The following CACNA1E variants were observed in gnomAD, a reference collection of about 807,000 sequenced individuals.
The protein encoded by CACNA1E is calcium voltage-gated channel subunit alpha1 E.
CACNA1E carries 40 observed loss-of-function variants against 259.2 expected under a neutral mutation model. The ratio of observed to expected loss-of-function variants is 0.15; its 90% CI spans 0.12 to 0.20. The LOEUF is 0.20. CACNA1E is among the 10% of genes least tolerant of loss of function. The pLI is 1.00. For synonymous variants in CACNA1E, 1,104 were observed against 1,138.5 expected, an observed-to-expected ratio of 0.97 and a Z score of 0.61; for missense variants, 1,874 against 3,040.1, an observed-to-expected ratio of 0.62 and a Z score of 9.02.
At chr1:181,399,586 G>A (rs890482009) in intron 1 of CACNA1E, among the ~76,000 whole-genome samples, 2 of 152,214 alleles carry the variant, frequency 1.3e-5, no homozygotes, top group Non-Finnish European at 2.9e-5. Context: ...CCCTGTCAAC[G>A]GAGGTGTTCA....
rs887147431 is a variant in CACNA1E, at chr1:181,534,392, G to T, written c.512+22882G>T. Among the ~76,000 whole-genome samples the T allele has an allele frequency of 6.6e-5, 10 of 152,214 alleles. No individual in the cohort carries two copies. The South Asian group carries it at 8.3e-4, about 13-fold the overall frequency. On this transcript the variant is annotated intron_variant, in intron 3 of 47. Transcript: ENST00000367573. ...GGAGTGATAATATACATACAATTTTGATGAAACATGATGTTATTGTATAAA... is the reference window on the plus strand; with the variant it reads ...GGAGTGATAATATACATACAATTTTTATGAAACATGATGTTATTGTATAAA...
intron 2 of CACNA1E, among the ~76,000 whole-genome samples, chr1:181,471,484 C>T (rs1662502980): frequency 6.6e-6 from 1 of 152,166 alleles, no homozygotes; most frequent in Non-Finnish European, 1.5e-5. Flanking sequence ...TATAGTGCTT[C>T]AGCCTTCCAC....
chr1:181,615,337 C>G (rs533677702), intron 6 of CACNA1E, among the ~76,000 whole-genome samples: 1 of 152,186 alleles, frequency 6.6e-6, no homozygotes. Context: ...TTACAGGCAC[C>G]TGCCACCACG....
chr1:181,494,942 T>C (rs902561735), intron 1 of CACNA1E, among the ~76,000 whole-genome samples: 2 of 152,214 alleles, frequency 1.3e-5, no homozygotes, highest in African/African-American at 4.8e-5. Flanking sequence ...GAACTGTGCT[T>C]TAGCCTACTG....
chr1:181,682,136 G>T (rs1390468623), intron 7 of CACNA1E, among the ~76,000 whole-genome samples: 7 of 152,178 alleles, frequency 4.6e-5, no homozygotes, highest in African/African-American at 1.7e-4. Context: ...ATGACTATCC[G>T]ATTAACGATG....
chr1:181,603,834 C>T (rs1363651267), intron 6 of CACNA1E, among the ~76,000 whole-genome samples: 2 of 152,216 alleles, frequency 1.3e-5, no homozygotes, highest in African/African-American at 2.4e-5. Flanking sequence ...CTGCCTGTCT[C>T]CCTGGCTCTG....
chr1:181,760,470 G>T (rs1204981928), intron 32 of CACNA1E, among the ~76,000 whole-genome samples: 2 of 151,948 alleles, frequency 1.3e-5, no homozygotes, highest in African/African-American at 4.8e-5. Context: ...TTTTAAATGA[G>T]GAAATTGAAG....
intron 3 of CACNA1E, among the ~76,000 whole-genome samples, chr1:181,517,457 C>T (rs1666675726): frequency 6.6e-6 from 1 of 152,110 alleles, no homozygotes; most frequent in South Asian, 2.1e-4. Flanking sequence ...CACTATTTCA[C>T]TGTTTCACTC....
In CACNA1E at chr1:181,755,965, T is replaced by C. The variant is rs571643478; in HGVS notation, c.3999T>C (p.Tyr1333=). The change falls in exon 29 of 48, where the codon TAT becomes TAC. Residue 1333 remains tyrosine (Y), a synonymous_variant. Transcript: ENST00000367573. ...KDTEKECIGN[Y]VDHEKNKMEV... ...TCTGCTCTGGTTTTAGAGGCAACTA[T>C]GTAGATCATGAGAAAAACAAGATGG... is the stretch of plus-strand genomic sequence containing the variant. 3 of 1,613,810 alleles carry C rather than the reference T, an allele frequency of 1.9e-6. No individual in the cohort carries two copies. Among genetic ancestry groups the C allele is most frequent in the Non-Finnish European group, 2.5e-6 (3 of 1,179,792 alleles).
At chr1:181,664,250 G>T (rs1365012747) in intron 7 of CACNA1E, among the ~76,000 whole-genome samples, 1 of 152,170 alleles carries the variant, frequency 6.6e-6, no homozygotes, top group Non-Finnish European at 1.5e-5. Context: ...CATTTGCAAT[G>T]GGACCTTTGC....
At chr1:181,366,950 G>C (rs762038962) in intron 1 of CACNA1E, among the ~76,000 whole-genome samples, 6 of 152,062 alleles carry the variant, frequency 3.9e-5, no homozygotes, top group Admixed American at 6.5e-5. Context: ...ATGGAGTTTT[G>C]CATCCCTTAA....
At chr1:181,328,241 T>A (rs1011009901) in intron 1 of CACNA1E, among the ~76,000 whole-genome samples, 1 of 152,156 alleles carries the variant, frequency 6.6e-6, no homozygotes, top group African/African-American at 2.4e-5. Context: ...CGCTGTGTCC[T>A]CACATGGTGG....
chr1:181,399,241 G>T (rs1246987237), intron 1 of CACNA1E, among the ~76,000 whole-genome samples: 1 of 149,302 alleles, frequency 6.7e-6, no homozygotes. Flanking sequence ...AAGGAAAAGA[G>T]GTAGAAGGAA....
intron 2 of CACNA1E, among the ~76,000 whole-genome samples, chr1:181,440,983 CAAAAAAAAAAAAAAAAAAAAAAAAA>C (rs60257271): frequency 1.0e-4 from 4 of 38,170 alleles, no homozygotes; most frequent in Non-Finnish European, 1.5e-4. Context: ...GACCTTGTTT[CAAAAAAAAAAAAAAAAAAAAAAAAA>C]AAAAAAAAAA....
At chr1:181,370,270 GT>G (rs761065599) in intron 1 of CACNA1E, among the ~76,000 whole-genome samples, 1,716 of 141,104 alleles carry the variant, frequency 0.012, 40 homozygotes, top group African/African-American at 0.038. Context: ...TTGTTTCATA[GT>G]TTTTTTTTTT....
intron 3 of CACNA1E, among the ~76,000 whole-genome samples, chr1:181,543,483 TCATAA>T (rs1306775203): frequency 2.0e-5 from 3 of 152,208 alleles, no homozygotes; most frequent in Non-Finnish European, 4.4e-5. Flanking sequence ...GCTAATTAGT[TCATAA>T]GGGTACAGCC....
rs372164086 is a variant in CACNA1E, at chr1:181,320,826, G to T, written c.-15+2703G>T. Among the ~76,000 whole-genome samples, 99 of 152,256 alleles carry T rather than the reference G, an allele frequency of 6.5e-4. 1 individual carries two copies. The highest frequency in any genetic ancestry group is 1.9e-3 in the African/African-American group (80 of 41,528). On this transcript the variant is annotated intron_variant, in intron 1 of 11. Coordinates refer to the CACNA1E transcript ENST00000524607. The stretch of plus-strand genomic sequence containing the variant: ...CATGTTACCCCCGTTTTTTCTGTCA[G>T]CAGTGTCCTTGCTTGGTGTCCGTCT...
At chr1:181,791,734 C>T (rs1661328423) in intron 44 of CACNA1E, among the ~76,000 whole-genome samples, 1 of 152,012 alleles carries the variant, frequency 6.6e-6, no homozygotes, top group African/African-American at 2.4e-5. Context: ...AAAGTCTGTA[C>T]AGACAGCTTG....
At chr1:181,742,040 G>A (rs1468257694) in intron 25 of CACNA1E, among the ~76,000 whole-genome samples, 1 of 152,078 alleles carries the variant, frequency 6.6e-6, no homozygotes, top group African/African-American at 2.4e-5. Flanking sequence ...AGCTTGCCAT[G>A]CCCATTCCCT....
Sources: allele counts gnomAD v4.1 joint callset (sites outside exome capture counted in the v4.1 genomes callset), GRCh38; gene constraint gnomAD v4.1.1; transcripts MANE v1.5; gene names NCBI Gene and HGNC (gene_info 2026-07-23, HGNC 2026-07-21).